Variants in HIP1 observed in about 807,000 individuals in gnomAD.
The protein encoded by HIP1 is huntingtin-interacting protein 1.
In HIP1, 65 loss-of-function variants were observed where a neutral mutation model predicts 147.6. That is an observed-to-expected ratio of 0.44 (90% confidence interval 0.36 to 0.54). The LOEUF (loss-of-function observed/expected upper bound fraction) is 0.54. Ranked by LOEUF, HIP1 falls within the 20% of genes least tolerant of loss-of-function variation. The pLI, the probability that HIP1 is intolerant of heterozygous loss-of-function variation, is 0.00. For synonymous variants in HIP1, 479 were observed against 504.0 expected (o/e 0.95, Z 0.67); for missense variants, 1,061 against 1,299.6 (o/e 0.82, Z 2.82).
At chr7:75,635,130 C>T (rs935406985) in intron 1 of HIP1, among the ~76,000 whole-genome samples, 11 of 152,080 alleles carry the variant, frequency 7.2e-5, no homozygotes, top group Non-Finnish European at 1.3e-4. Context: ...TCATCAACCC[C>T]TAAAAGGTAT....
intron 13 of HIP1, 78 bp downstream of exon 13, chr7:75,561,251 G>T: frequency 1.9e-6 from 2 of 1,044,970 alleles, no homozygotes; most frequent in Non-Finnish European, 1.5e-6. Flanking sequence ...ACTGTGCCTG[G>T]CTAGTGTGAT....
At chr7:75,589,800 G>A (rs1323735167) in intron 4 of HIP1, among the ~76,000 whole-genome samples, 9 of 148,718 alleles carry the variant, frequency 6.1e-5, no homozygotes, top group East Asian at 2.0e-4. Context: ...GTGCGATCTC[G>A]GCTCACTGTG....
intron 1 of HIP1, among the ~76,000 whole-genome samples, chr7:75,726,676 T>C (rs1396062105): frequency 1.3e-5 from 2 of 151,744 alleles, no homozygotes; most frequent in Admixed American, 6.6e-5. Context: ...CTGATGGGCA[T>C]GTAGAGGTAT....
At chr7:75,597,423 G>A (rs1290171643) in intron 2 of HIP1, among the ~76,000 whole-genome samples, 5 of 152,174 alleles carry the variant, frequency 3.3e-5, no homozygotes, top group Non-Finnish European at 5.9e-5. Flanking sequence ...ACTGCAGACA[G>A]AAGTCCAGCC....
chr7:75,548,075 G>A (rs1794638796), intron 23 of HIP1, among the ~76,000 whole-genome samples: 1 of 152,112 alleles, frequency 6.6e-6, no homozygotes, highest in Admixed American at 6.6e-5. Context: ...TGTCACCCAG[G>A]CTGGAGTGAG....
At chr7:75,621,839 T>C (rs1797856192) in intron 1 of HIP1, among the ~76,000 whole-genome samples, 1 of 152,162 alleles carries the variant, frequency 6.6e-6, no homozygotes, top group Non-Finnish European at 1.5e-5. Flanking sequence ...ATGATTTGCC[T>C]GAGCAACTAG....
At chr7:75,555,902 A>G in intron 18 of HIP1, 124 bp downstream of exon 18, 1 of 1,179,820 alleles carries the variant, frequency 8.5e-7, no homozygotes, top group Non-Finnish European at 1.2e-6. Context: ...GAATGTCTGC[A>G]CAATCAGGCC....
chr7:75,645,430 T>A (rs1464973638), intron 1 of HIP1, among the ~76,000 whole-genome samples: 2 of 152,108 alleles, frequency 1.3e-5, no homozygotes, highest in South Asian at 2.1e-4. Flanking sequence ...TTTCACCATG[T>A]GGGCCAGGCT....
chr7:75,592,763 A>G (rs587710961), intron 2 of HIP1, among the ~76,000 whole-genome samples: 44 of 152,296 alleles, frequency 2.9e-4, no homozygotes, highest in Middle Eastern at 6.8e-3. Context: ...AGAACTGTAC[A>G]TTCCTTCTGG....
At chr7:75,556,277 G>C in intron 17 of HIP1, 108 bp from the exon 18 acceptor site, 1 of 1,339,736 alleles carries the variant, frequency 7.5e-7, no homozygotes. Flanking sequence ...GAAGGTGATG[G>C]CTCTTTAACC....
At chr7:75,564,140 C>G (rs1186370100) in intron 9 of HIP1, among the ~76,000 whole-genome samples, 2 of 152,158 alleles carry the variant, frequency 1.3e-5, no homozygotes, top group Non-Finnish European at 2.9e-5. Flanking sequence ...AATCCTACTG[C>G]CTTGGCCTCC....
At position 75,611,919 on chromosome 7, in the gene HIP1, G is replaced by A. The variant is rs1012219371; in HGVS notation, c.121-12672C>T. The A allele has an allele frequency of 6.1e-5, 60 of 983,880 alleles. 1 individual carries two copies. The South Asian group carries it at 2.3e-3, about 38-fold the overall frequency. 60.9% of individuals were successfully genotyped at this position (983,880 alleles called of 1,614,324 possible). A position where few individuals can be genotyped will look rare whatever the true frequency, so the allele number is the denominator to read the frequency against. ...CCCCAGCACTCCCCATCCTCCGCTC[G>A]CCTGGGACAGCCCAGCCAGGCAGTG... is the stretch of plus-strand genomic sequence containing the variant. On this transcript the variant is annotated intron_variant, in intron 1 of 30. Transcript: ENST00000336926.
At chr7:75,575,416 T>C (rs981228635) in intron 7 of HIP1, among the ~76,000 whole-genome samples, 3 of 149,186 alleles carry the variant, frequency 2.0e-5, no homozygotes, top group Non-Finnish European at 4.5e-5. Context: ...GCTGAGACGG[T>C]GCCACTGCAC....
chr7:75,604,191 C>A (rs1797126619), intron 1 of HIP1, among the ~76,000 whole-genome samples: 1 of 152,184 alleles, frequency 6.6e-6, no homozygotes, highest in Non-Finnish European at 1.5e-5. Context: ...GGCAAAGTCT[C>A]CATACTTCCG....
At chr7:75,620,558 T>C (rs1327705645) in intron 1 of HIP1, among the ~76,000 whole-genome samples, 3 of 151,918 alleles carry the variant, frequency 2.0e-5, no homozygotes, top group African/African-American at 7.3e-5. Flanking sequence ...TGGTGGTGCA[T>C]GCCTGTAGTC....
At chr7:75,669,409 A>G (rs73142966) in intron 1 of HIP1, among the ~76,000 whole-genome samples, 3 of 151,436 alleles carry the variant, frequency 2.0e-5, no homozygotes, top group African/African-American at 7.3e-5. Flanking sequence ...AAAACAACAA[A>G]AAAATTAGCT....
intron 1 of HIP1, among the ~76,000 whole-genome samples, chr7:75,658,797 G>C (rs1305621474): frequency 6.6e-6 from 1 of 152,070 alleles, no homozygotes; most frequent in Non-Finnish European, 1.5e-5. Context: ...TATTCAGGAG[G>C]CTGAGGTGGG....
In HIP1 at chr7:75,547,014, G is replaced by A. The variant is rs782520077; in HGVS notation, c.2484C>T (p.Thr828=). Residue 828 remains threonine, a synonymous_variant, in exon 25 of 31, where the codon ACC becomes ACT. Coordinates refer to ENST00000336926, the MANE Select transcript of HIP1 (RefSeq NM_005338.7). ...GCACCTGAATAGCTTGCATGAGGCTGGTACAGCAACCAAGGATCCTGCCAA... is the reference window on the plus strand; with the variant it reads ...GCACCTGAATAGCTTGCATGAGGCTAGTACAGCAACCAAGGATCCTGCCAA... ...EVNERILGCC[T]SLMQAIQVLI... The A allele has an allele frequency of 1.1e-5, 17 of 1,584,510 alleles. No individual in the cohort carries two copies. Among genetic ancestry groups the A allele is most frequent in the Non-Finnish European group, 1.7e-6 (2 of 1,164,346 alleles).
chr7:75,661,771 C>G (rs1387266612), intron 1 of HIP1, among the ~76,000 whole-genome samples: 1 of 151,740 alleles, frequency 6.6e-6, no homozygotes, highest in Non-Finnish European at 1.5e-5. Flanking sequence ...TAACGCAGGC[C>G]TAAGTCCAAA....
Sources: gnomAD v4.1 joint callset for allele counts (sites outside exome capture counted in the v4.1 genomes callset) on GRCh38, gnomAD v4.1.1 for gene constraint, MANE v1.5 for transcripts, NCBI Gene and HGNC (gene_info 2026-07-23, HGNC 2026-07-21) for gene names.